SYNC: variants seen among roughly 807,000 people sequenced by gnomAD.
SYNC encodes syncoilin, intermediate filament protein.
A neutral mutation model predicts 49.5 loss-of-function variants in SYNC; 38 were observed. That is an observed-to-expected ratio of 0.77 (90% CI 0.59 to 1.01). SYNC has a LOEUF of 1.01. Ranked by LOEUF, SYNC falls within the 50% of genes least tolerant of loss-of-function variation. The pLI is 0.00. For missense variants in SYNC, 579 were observed against 580.6 expected (o/e 1.00, Z 0.03); for synonymous variants, 201 against 230.8 (o/e 0.87, Z 1.17).
Position 32,680,435 on chromosome 1 carries a change from T to TATAACTGTGGTATAC in SYNC, c.*1414_*1415insGTATACCACAGTTAT, listed in dbSNP as rs1649363604. On this transcript the variant is annotated 3_prime_UTR_variant, in exon 5 of 5. Transcript: ENST00000409190. The stretch of plus-strand genomic sequence containing the variant: ...TTTTACCTGACAGTTATACCACAGG[T>TATAACTGTGGTATAC]AGACTGTCAAGTTGAGAAGAGTGAA... 1 of 1,469,610 alleles carries TATAACTGTGGTATAC rather than the reference T, an allele frequency of 6.8e-7. No individual in the cohort carries two copies. 91.0% of individuals were successfully genotyped at this position (1,469,610 alleles called of 1,614,324 possible).
intron 1 of SYNC, among the ~76,000 whole-genome samples, chr1:32,696,665 T>C (rs970222324): frequency 2.0e-5 from 3 of 152,052 alleles, no homozygotes; most frequent in Admixed American, 2.0e-4. Context: ...AGTCAGGCTG[T>C]TCTCAAACTC....
intron 4 of SYNC, chr1:32,683,264 CAAAAAAAAAAAAA>C (rs35935907): frequency 1.1e-5 from 1 of 89,240 alleles, no homozygotes; most frequent in African/African-American, 3.9e-5. Flanking sequence ...GACTCCGTCT[CAAAAAAAAAAAAA>C]AAAAAAAAGA....
chr1:32,687,387 G>A (rs1649904099), intron 2 of SYNC, among the ~76,000 whole-genome samples: 1 of 145,366 alleles, frequency 6.9e-6, no homozygotes, highest in Non-Finnish European at 1.5e-5. Context: ...CCATAAAAGT[G>A]TTTAGTAGGC....
intron 2 of SYNC, chr1:32,685,967 A>G (rs571591941): frequency 2.0e-5 from 3 of 152,132 alleles, no homozygotes; most frequent in South Asian, 2.1e-4. Flanking sequence ...CCTACCTCCA[A>G]CTTGAACCTC....
chr1:32,702,896 A>C (rs535672025), upstream of SYNC: 526 of 175,804 alleles, frequency 3.0e-3, 4 homozygotes, highest in African/African-American at 0.012. This position sits in a 1 kb window ranked among gnomAD's most constrained non-coding sequence, Gnocchi z 6.2. Context: ...GGGGGTGGGA[A>C]CGGGGGCCTG....
chr1:32,696,279 G>A (rs750149493), intron 1 of SYNC, among the ~76,000 whole-genome samples: 7 of 151,660 alleles, frequency 4.6e-5, no homozygotes, highest in Non-Finnish European at 1.0e-4. Context: ...CCAAGGACTC[G>A]ACATACCTGA....
At chr1:32,691,153 G>C (rs1650141665) in intron 2 of SYNC, among the ~76,000 whole-genome samples, 1 of 151,932 alleles carries the variant, frequency 6.6e-6, no homozygotes, top group South Asian at 2.1e-4. Flanking sequence ...AGGAGGCAGA[G>C]GTTGCAGTGA....
Position 32,680,516 on chromosome 1 carries a change from T to A in SYNC, c.*1334A>T. Reference sequence around the variant, plus strand: ...ATTAATCCTTGATAAGAGTTGCTTTTTTTTTTTAGGAGTTAGTCCTTGACC... The same window carrying A: ...ATTAATCCTTGATAAGAGTTGCTTTATTTTTTTAGGAGTTAGTCCTTGACC... On this transcript the variant is annotated 3_prime_UTR_variant, in exon 5 of 5. Transcript: ENST00000409190. The A allele has an allele frequency of 6.5e-7, 1 of 1,542,274 alleles. No individual in the cohort carries two copies. Among genetic ancestry groups the A allele is most frequent in the East Asian group, 2.4e-5 (1 of 40,862 alleles).
rs1649655564 is a variant in SYNC, at chr1:32,684,244, C to A, written c.1358+14G>T. The stretch of plus-strand genomic sequence containing the variant: ...CCAGTATTAGATGAGATTTGTATAG[C>A]AGCAGAAACTGACTTATAAGTAGAG... On this transcript the variant is annotated intron_variant, in intron 3 of 4. Coordinates refer to ENST00000409190, the MANE Select transcript of SYNC (RefSeq NM_030786.3). 6.2e-7 allele frequency: 1 copy of A among 1,614,018 alleles called. No individual in the cohort carries two copies. The highest frequency in any genetic ancestry group is 1.1e-5 in the South Asian group (1 of 91,084).
chr1:32,689,308 C>G (rs12067098), intron 2 of SYNC, among the ~76,000 whole-genome samples: 1 of 124,638 alleles, frequency 8.0e-6, no homozygotes, highest in Middle Eastern at 7.0e-3. Flanking sequence ...GTGGCACAAT[C>G]TCAGCTCACT....
intron 2 of SYNC, among the ~76,000 whole-genome samples, chr1:32,694,380 G>A (rs912249290): frequency 7.2e-5 from 11 of 151,846 alleles, no homozygotes; most frequent in Non-Finnish European, 1.0e-4. Flanking sequence ...CAGGCCGGGC[G>A]CGGTGGCTCA....
rs1381877149 is a variant in SYNC, at chr1:32,694,498, C to A, written c.1233+367G>T. ...TGAAACCCCGACTCTACTAAAAATA[C>A]AAAAAAATAGCCGGGCATGGTGGTG... On this transcript the variant is annotated intron_variant, in intron 2 of 4. Coordinates refer to ENST00000409190, the MANE Select transcript of SYNC (RefSeq NM_030786.3). Among the ~76,000 whole-genome samples, 8 of 151,440 alleles carry A rather than the reference C, an allele frequency of 5.3e-5. No homozygotes were observed. The East Asian group carries it at 1.6e-3, about 29-fold the overall frequency.
upstream of SYNC, chr1:32,703,257 C>G (rs1458890784): frequency 1.3e-5 from 2 of 152,004 alleles, no homozygotes; most frequent in Non-Finnish European, 2.9e-5. Flanking sequence ...ACGGCCACAC[C>G]CCGCGCGTTT....
chr1:32,686,283 TAGAC>T (rs1406500903), intron 2 of SYNC: 6 of 152,354 alleles, frequency 3.9e-5, no homozygotes, highest in Admixed American at 2.0e-4. Flanking sequence ...CTTGCAGTGA[TAGAC>T]AGCACTACTC....
rs1285270077 is a variant in SYNC at position 32,681,918 on chromosome 1, G to C, written c.1439-58C>G. On this transcript the variant is annotated intron_variant, in intron 4 of 4. Transcript: ENST00000409190. ...GAACTTCTGAGGTTTAGTTACTGCA[G>C]GCTTTGTTGAGAAGAGATTGTTACA... 3.4e-6 allele frequency: 5 copies of C among 1,477,418 alleles called. No homozygotes were observed. The East Asian group carries it at 1.1e-4, about 33-fold the overall frequency. The allele number at this position is 1,477,418 out of a possible 1,614,324, so 91.5% of individuals were successfully genotyped here.
rs1357755534 is a variant in SYNC at position 32,694,879 on chromosome 1, C to T, written c.1219G>A (p.Val407Met). ...ALVRQKRDEE[V>M]QQYREQLEEM... is the part of the protein sequence containing the mutation. ...AATGGGCCTACCCTGTACTGCTGCA[C>T]CTCTTCATCTCGTTTTTGCCTCACA... Residue 407 changes from valine to methionine, a missense_variant, in exon 2 of 5, where the codon GTG becomes ATG. Coordinates refer to ENST00000409190, the MANE Select transcript of SYNC (RefSeq NM_030786.3). The T allele has an allele frequency of 3.7e-6, 6 of 1,605,522 alleles. No individual in the cohort carries two copies. The African/African-American group carries it at 8.1e-5, about 22-fold the overall frequency.
intron 1 of SYNC, among the ~76,000 whole-genome samples, chr1:32,698,518 CA>C (rs546814697): frequency 1.3e-5 from 2 of 148,638 alleles, no homozygotes; most frequent in Non-Finnish European, 1.5e-5. Flanking sequence ...AACTCTGTAT[CA>C]AAAAAAAAAG....
chr1:32,684,509 A>G (rs1054398319), intron 2 of SYNC, 127 bp from the exon 3 acceptor site: 1 of 1,355,464 alleles, frequency 7.4e-7, no homozygotes, highest in Admixed American at 2.4e-5. Context: ...GCTGGTATTT[A>G]TATGATAGGT....
chr1:32,702,641 C>G lies in SYNC; in HGVS notation c.20G>C (p.Arg7Pro). ...CTGGGCGGCGCCGTCCCCGCCGCGC[C>G]GGGGCTCCGGGCTGGCCATGGCTGC... MASPEP[R>P]RGGDGAAQAA... Residue 7 changes from arginine to proline, a missense_variant, in exon 1 of 5, where the codon CGG (arginine) becomes CCG (proline). By Grantham distance (103) the Arg-to-Pro change is moderately radical (BLOSUM62 -2). Coordinates refer to ENST00000409190, the MANE Select transcript of SYNC (RefSeq NM_030786.3). The surrounding 1 kb of genome is among the most constrained non-coding windows in gnomAD (Gnocchi z 6.2). The G allele has an allele frequency of 8.3e-7, 1 of 1,210,750 alleles. No homozygotes were observed. The highest frequency in any genetic ancestry group is 1.0e-6 in the Non-Finnish European group (1 of 974,712). 75.0% of individuals were successfully genotyped at this position (1,210,750 alleles called of 1,614,324 possible). A position where few individuals can be genotyped will look rare whatever the true frequency, so the allele number is the denominator to read the frequency against.
Sources: allele counts gnomAD v4.1 joint callset (sites outside exome capture counted in the v4.1 genomes callset), GRCh38; gene constraint gnomAD v4.1.1; non-coding constraint Gnocchi (gnomAD v3.1); transcripts MANE v1.5; gene names NCBI Gene and HGNC (gene_info 2026-07-23, HGNC 2026-07-21).